Variants in DPYD observed in about 807,000 individuals in gnomAD.
The protein encoded by DPYD is dihydropyrimidine dehydrogenase.
A neutral mutation model predicts 116.2 loss-of-function variants in DPYD; 109 were observed. That is an observed-to-expected ratio of 0.94 (90% CI 0.80 to 1.10). The LOEUF (loss-of-function observed/expected upper bound fraction) is 1.10, where lower values mean the gene tolerates loss of function less well. Among genes scored for constraint, DPYD ranks in the 50% least tolerant of loss-of-function variants. The probability of loss-of-function intolerance (pLI) is 0.00; values close to 1 mark genes in which losing one functional copy is unlikely to be tolerated. For missense variants in DPYD, 1,302 were observed against 1,254.5 expected (o/e 1.04, Z -0.57); for synonymous variants, 440 against 432.0 (o/e 1.02, Z -0.23).
At chr1:97,736,649 C>T (rs888871726) in intron 4 of DPYD, among the ~76,000 whole-genome samples, 3 of 152,116 alleles carry the variant, frequency 2.0e-5, no homozygotes, top group Non-Finnish European at 4.4e-5. Flanking sequence ...AACCCACTCA[C>T]ATTGATATTC....
intron 13 of DPYD, among the ~76,000 whole-genome samples, chr1:97,502,536 A>T (rs1026253852): frequency 1.3e-5 from 2 of 152,012 alleles, no homozygotes; most frequent in Admixed American, 6.6e-5. Context: ...AGCCATTGAA[A>T]TGTTTTAAGC....
intron 2 of DPYD, among the ~76,000 whole-genome samples, chr1:97,846,384 T>C (rs755680594): frequency 6.6e-6 from 1 of 152,234 alleles, no homozygotes; most frequent in East Asian, 1.9e-4. Flanking sequence ...CAGCAAATGA[T>C]TGAACCTAAG....
intron 3 of DPYD, among the ~76,000 whole-genome samples, chr1:97,791,945 C>A (rs960586922): frequency 6.6e-6 from 1 of 152,066 alleles, no homozygotes; most frequent in Non-Finnish European, 1.5e-5. Context: ...TATTGCTCTG[C>A]GAAGCAGAGT....
intron 13 of DPYD, among the ~76,000 whole-genome samples, chr1:97,451,317 A>T (rs573269466): frequency 6.6e-6 from 1 of 152,316 alleles, no homozygotes; most frequent in East Asian, 1.9e-4. Flanking sequence ...GCCACAAAAG[A>T]TTATTTATTC....
At chr1:97,714,716 TGTA>T (rs1662513419) in intron 5 of DPYD, among the ~76,000 whole-genome samples, 1 of 146,942 alleles carries the variant, frequency 6.8e-6, no homozygotes, top group African/African-American at 2.5e-5. Flanking sequence ...CCTATTTCAA[TGTA>T]GTAGCTTCAT....
chr1:97,563,894 G>A (rs1652337711), intron 11 of DPYD, among the ~76,000 whole-genome samples: 1 of 152,178 alleles, frequency 6.6e-6, no homozygotes, highest in South Asian at 2.1e-4. Flanking sequence ...CTGCAGAAAT[G>A]CCAGTACTTA....
At chr1:97,458,078 G>C (rs1676794037) in intron 13 of DPYD, among the ~76,000 whole-genome samples, 2 of 152,180 alleles carry the variant, frequency 1.3e-5, no homozygotes, top group Non-Finnish European at 2.9e-5. Flanking sequence ...ATGATCATGT[G>C]ATATGCTTTG....
At chr1:97,720,262 G>T in intron 5 of DPYD, 1 of 984,840 alleles carries the variant, frequency 1.0e-6, no homozygotes, top group Non-Finnish European at 1.2e-6. Flanking sequence ...AAAATGCTGT[G>T]TTAGTTGATA....
At chr1:97,808,950 C>T in intron 3 of DPYD, among the ~76,000 whole-genome samples, 1 of 151,820 alleles carries the variant, frequency 6.6e-6, no homozygotes, top group East Asian at 1.9e-4. Flanking sequence ...TATTTTCTGA[C>T]CTATGGTTAT....
chr1:97,895,747 T>C (rs930341115), intron 1 of DPYD, among the ~76,000 whole-genome samples: 3 of 151,784 alleles, frequency 2.0e-5, no homozygotes, highest in Non-Finnish European at 2.9e-5. Flanking sequence ...AGTTCATGCA[T>C]ACAATTACTA....
rs1410820092 is a variant in DPYD, at chr1:97,917,023, G to A, written c.39+3861C>T. 2.0e-5 allele frequency among the ~76,000 whole-genome samples: 3 copies of A among 151,988 alleles called. No individual in the cohort carries two copies. The East Asian group carries it at 5.8e-4, about 29-fold the overall frequency. ...AGAAACACTTTAAAGTAAAACTATGGCCCACAAAACAGCTTAAAGTAGGAA... is the reference window on the plus strand; with the variant it reads ...AGAAACACTTTAAAGTAAAACTATGACCCACAAAACAGCTTAAAGTAGGAA... On this transcript the variant is annotated intron_variant, in intron 1 of 22. Transcript: ENST00000370192.
chr1:97,476,107 T>C (rs1355372169), intron 13 of DPYD, among the ~76,000 whole-genome samples: 3 of 152,258 alleles, frequency 2.0e-5, no homozygotes, highest in Non-Finnish European at 4.4e-5. Context: ...GTCCCTTTCC[T>C]AGTGACCATG....
intron 3 of DPYD, among the ~76,000 whole-genome samples, chr1:97,807,241 C>T (rs1386484632): frequency 1.3e-5 from 2 of 151,956 alleles, no homozygotes; most frequent in African/African-American, 2.4e-5. Context: ...TGCCAAACTG[C>T]CTTCCAAAGT....
chr1:97,700,651 C>T (rs1661546276), intron 5 of DPYD, among the ~76,000 whole-genome samples: 2 of 151,722 alleles, frequency 1.3e-5, no homozygotes, highest in African/African-American at 2.4e-5. Context: ...TTATAAAATG[C>T]CTGGGTTTTT....
chr1:97,382,035 G>A (rs1672002643), intron 15 of DPYD, among the ~76,000 whole-genome samples: 1 of 152,070 alleles, frequency 6.6e-6, no homozygotes. Context: ...TTGCCTAAAG[G>A]CAAGGTAAGA....
At chr1:97,744,164 A>G (rs1664421243) in intron 3 of DPYD, among the ~76,000 whole-genome samples, 1 of 152,102 alleles carries the variant, frequency 6.6e-6, no homozygotes. Flanking sequence ...GCCAAAAACT[A>G]TTAAAGATAT....
chr1:97,808,251 A>G (rs1668175249), intron 3 of DPYD, among the ~76,000 whole-genome samples: 1 of 152,176 alleles, frequency 6.6e-6, no homozygotes, highest in Admixed American at 6.5e-5. Flanking sequence ...GAAACACAAA[A>G]GATGTTTCCA....
intron 16 of DPYD, among the ~76,000 whole-genome samples, chr1:97,336,595 A>G (rs1669295892): frequency 6.6e-6 from 1 of 152,138 alleles, no homozygotes; most frequent in Non-Finnish European, 1.5e-5. Flanking sequence ...CTAAAAATAC[A>G]AAAAATTAGC....
chr1:97,843,519 C>T (rs141191769), intron 2 of DPYD, among the ~76,000 whole-genome samples: 143 of 152,234 alleles, frequency 9.4e-4, no homozygotes, highest in Non-Finnish European at 1.7e-3. Flanking sequence ...ACAATATTGA[C>T]TGTGTGAGAA....
Sources: gnomAD v4.1 joint callset for allele counts (sites outside exome capture counted in the v4.1 genomes callset) on GRCh38, gnomAD v4.1.1 for gene constraint, MANE v1.5 for transcripts, NCBI Gene and HGNC (gene_info 2026-07-23, HGNC 2026-07-21) for gene names.